LRFN5: variants seen among roughly 807,000 people sequenced by gnomAD.
The protein encoded by LRFN5 is leucine-rich repeat and fibronectin type-III domain-containing protein 5.
Under a neutral mutation model 45.6 loss-of-function variants are expected in LRFN5, and 24 were observed. The ratio of observed to expected loss-of-function variants is 0.53; its 90% CI spans 0.38 to 0.74. The LOEUF (loss-of-function observed/expected upper bound fraction) is 0.74. Among genes scored for constraint, LRFN5 ranks in the 30% least tolerant of loss-of-function variants. The probability of loss-of-function intolerance (pLI) is 0.00; values close to 1 mark genes in which losing one functional copy is unlikely to be tolerated. For missense variants in LRFN5, 776 were observed against 861.5 expected (o/e 0.90, Z 1.24); for synonymous variants, 340 against 313.8 (o/e 1.08, Z -0.88).
chr14:41,737,543 G>A (rs1884495691), intron 1 of LRFN5, among the ~76,000 whole-genome samples: 1 of 152,056 alleles, frequency 6.6e-6, no homozygotes, highest in Non-Finnish European at 1.5e-5. Context: ...ATTCAAATAG[G>A]AGAGAGGAAA....
intron 2 of LRFN5, among the ~76,000 whole-genome samples, chr14:41,793,163 A>G (rs1037338893): frequency 2.6e-5 from 4 of 152,070 alleles, no homozygotes; most frequent in African/African-American, 9.7e-5. Flanking sequence ...AAAAAAAGAA[A>G]AAAAAAGTAT....
intron 1 of LRFN5, among the ~76,000 whole-genome samples, chr14:41,712,451 G>A (rs752303089): frequency 1.3e-5 from 2 of 152,048 alleles, no homozygotes; most frequent in African/African-American, 2.4e-5. Flanking sequence ...TGAATTTTGC[G>A]TTAGTTTTGT....
intron 1 of LRFN5, among the ~76,000 whole-genome samples, chr14:41,625,370 T>C (rs1193594031): frequency 2.6e-5 from 4 of 152,170 alleles, no homozygotes; most frequent in African/African-American, 9.7e-5. Flanking sequence ...AGCTTCCTCC[T>C]GTGCTGGGCA....
At chr14:41,764,504 A>G (rs1430440297) in intron 1 of LRFN5, among the ~76,000 whole-genome samples, 1 of 152,188 alleles carries the variant, frequency 6.6e-6, no homozygotes, top group Non-Finnish European at 1.5e-5. Context: ...TAATTTAGGT[A>G]GGAATTTCAG....
At chr14:41,735,003 G>A (rs1054396454) in intron 1 of LRFN5, among the ~76,000 whole-genome samples, 2 of 151,884 alleles carry the variant, frequency 1.3e-5, no homozygotes, top group African/African-American at 4.8e-5. Flanking sequence ...ACATATTTTT[G>A]TAACTATAGT....
chr14:41,830,635 A>G (rs1012412106), intron 2 of LRFN5, among the ~76,000 whole-genome samples: 15 of 152,194 alleles, frequency 9.9e-5, no homozygotes, highest in African/African-American at 3.6e-4. Flanking sequence ...GAGTCAGAGA[A>G]GAGTCAGAAA....
At chr14:41,668,472 T>C (rs538541730) in intron 1 of LRFN5, among the ~76,000 whole-genome samples, 1 of 152,174 alleles carries the variant, frequency 6.6e-6, no homozygotes, top group African/African-American at 2.4e-5. Flanking sequence ...CCTTCACTCA[T>C]GTTGTATCAC....
intron 2 of LRFN5, among the ~76,000 whole-genome samples, chr14:41,791,960 T>G (rs1464168237): frequency 6.6e-6 from 1 of 152,104 alleles, no homozygotes; most frequent in East Asian, 1.9e-4. Context: ...AACAATTTAT[T>G]ATGCTTTTGC....
At position 41,632,619 on chromosome 14, in the gene LRFN5, A is replaced by T. The variant is rs138865457; in HGVS notation, c.-197+24057A>T. Among the ~76,000 whole-genome samples, 593 of 152,286 alleles carry T rather than the reference A, an allele frequency of 3.9e-3. 5 individuals are homozygous for T. The highest frequency in any genetic ancestry group is 3.0e-3 in the Non-Finnish European group (202 of 68,030). On this transcript the variant is annotated intron_variant, in intron 1 of 5. Transcript: ENST00000298119. ...ATTTTGTCTCAAAAACAAAAATAAA[A>T]GTATGTGTTGTTATTGTTACATTTA...
rs187896355 is a variant in LRFN5, at chr14:41,735,965, A to G, written c.-196-30889A>G. ...CTTTTTTATGGCTGCATAGTATTCC[A>G]TGGTGTATATGTGCCATATTTGCTT... On this transcript the variant is annotated intron_variant, in intron 1 of 5. Transcript: ENST00000298119. Among the ~76,000 whole-genome samples, 742 of 152,286 alleles carry G rather than the reference A, an allele frequency of 4.9e-3. 6 individuals carry two copies. The highest frequency in any genetic ancestry group is 0.017 in the African/African-American group (710 of 41,556).
In LRFN5 at chr14:41,622,463, A is replaced by G. The variant is rs952924076; in HGVS notation, c.-197+13901A>G. On this transcript the variant is annotated intron_variant, in intron 1 of 5. Transcript: ENST00000298119. Reference sequence around the variant, plus strand: ...TACGATCATAAAAGAGTAAAGGACCATATACATGTATGAATATACACATAC... The same window carrying G: ...TACGATCATAAAAGAGTAAAGGACCGTATACATGTATGAATATACACATAC... Among the ~76,000 whole-genome samples, 21 of 152,240 alleles carry G rather than the reference A, an allele frequency of 1.4e-4. 1 individual carries two copies. The highest frequency in any genetic ancestry group is 4.8e-4 in the African/African-American group (20 of 41,574).
At chr14:41,645,739 G>A (rs145746427) in intron 1 of LRFN5, among the ~76,000 whole-genome samples, 1 of 152,228 alleles carries the variant, frequency 6.6e-6, no homozygotes, top group East Asian at 1.9e-4. Flanking sequence ...ATTTGTTAAT[G>A]TTCTCCTAGA....
chr14:41,791,830 G>C (rs915594088), intron 2 of LRFN5, among the ~76,000 whole-genome samples: 1 of 152,050 alleles, frequency 6.6e-6, no homozygotes, highest in Non-Finnish European at 1.5e-5. Flanking sequence ...GAAAATTTAT[G>C]CTAGATAAGA....
At chr14:41,791,200 G>A (rs146867556) in intron 2 of LRFN5, among the ~76,000 whole-genome samples, 50 of 151,288 alleles carry the variant, frequency 3.3e-4, no homozygotes, top group African/African-American at 1.1e-3. Context: ...AAAGTATTTT[G>A]GAAAACATTC....
chr14:41,688,449 A>G (rs1341032923), intron 1 of LRFN5, among the ~76,000 whole-genome samples: 4 of 152,012 alleles, frequency 2.6e-5, no homozygotes, highest in African/African-American at 9.7e-5. Flanking sequence ...TCCACCACAA[A>G]AATTAAAAAT....
intron 2 of LRFN5, among the ~76,000 whole-genome samples, chr14:41,812,304 A>C (rs1423875336): frequency 6.6e-6 from 1 of 152,044 alleles, no homozygotes; most frequent in African/African-American, 2.4e-5. Flanking sequence ...ATATATTAAA[A>C]TGATTTTTAA....
chr14:41,741,528 C>T (rs1884691701), intron 1 of LRFN5, among the ~76,000 whole-genome samples: 1 of 151,532 alleles, frequency 6.6e-6, no homozygotes. Flanking sequence ...TCTGACACAC[C>T]ATATATGAGA....
intron 1 of LRFN5, among the ~76,000 whole-genome samples, chr14:41,649,103 G>A (rs1382023696): frequency 2.0e-5 from 3 of 151,800 alleles, no homozygotes; most frequent in Admixed American, 6.6e-5. Context: ...GCGTTGTGGC[G>A]GGCGCCTGTC....
intron 1 of LRFN5, among the ~76,000 whole-genome samples, chr14:41,679,670 C>T (rs371987919): frequency 2.0e-5 from 3 of 152,148 alleles, no homozygotes; most frequent in Admixed American, 6.5e-5. Flanking sequence ...TCAGGTGTGA[C>T]CCAGCACATT....
Sources: allele counts gnomAD v4.1 joint callset (sites outside exome capture counted in the v4.1 genomes callset), GRCh38; gene constraint gnomAD v4.1.1; transcripts MANE v1.5; gene names NCBI Gene and HGNC (gene_info 2026-07-23, HGNC 2026-07-21).